Variants in SLC25A12 observed in about 807,000 individuals in gnomAD.
SLC25A12 encodes the protein solute carrier family 25 member 12.
In SLC25A12, 32 loss-of-function variants were observed where a neutral mutation model predicts 83.3. The observed-to-expected ratio is 0.38, with a 90% CI of 0.29 to 0.52. The LOEUF (loss-of-function observed/expected upper bound fraction) is 0.52, where lower values mean the gene tolerates loss of function less well. Among genes scored for constraint, SLC25A12 ranks in the 20% least tolerant of loss-of-function variants. The pLI is 0.84. For missense variants in SLC25A12, 611 were observed against 835.6 expected (o/e 0.73, Z 3.31); for synonymous variants, 267 against 291.1 (o/e 0.92, Z 0.84).
At position 171,844,382 on chromosome 2, in the gene SLC25A12, G is replaced by A. The variant is rs187566712; in HGVS notation, c.452C>T (p.Thr151Met). 1.2e-5 allele frequency: 20 copies of A among 1,613,802 alleles called. No individual in the cohort carries two copies. Among genetic ancestry groups the A allele is most frequent in the South Asian group, 4.4e-5 (4 of 91,076 alleles). The change falls in exon 5 of 18, where the codon ACG (threonine) becomes ATG (methionine). Residue 151 changes from threonine to methionine, a missense_variant. Physicochemically the swap from Thr to Met is moderately conservative, Grantham distance 81 (BLOSUM62 -1). This residue lies in a region of SLC25A12 where 540 missense variants were observed against 777.5 expected (regional missense o/e 0.69). Transcript: ENST00000422440. ...RKKHLNYTEFTQFLQELQLEH... is the reference protein window; with the variant it reads ...RKKHLNYTEFMQFLQELQLEH... Reference sequence around the variant, plus strand: ...AACTAAGCTCACCTGGAGAAACTGCGTGAATTCTGTGTAGTTAAGATGCTT... The same window carrying A: ...AACTAAGCTCACCTGGAGAAACTGCATGAATTCTGTGTAGTTAAGATGCTT...
intron 3 of SLC25A12, among the ~76,000 whole-genome samples, chr2:171,859,085 T>G (rs909825563): frequency 5.9e-5 from 9 of 152,178 alleles, no homozygotes; most frequent in Non-Finnish European, 1.2e-4. Context: ...CAATTTGGTG[T>G]TCTTCCATTA....
At chr2:171,893,011 C>T (rs1250854042) in intron 2 of SLC25A12, among the ~76,000 whole-genome samples, 194 bp downstream of exon 2, 1 of 151,302 alleles carries the variant, frequency 6.6e-6, no homozygotes, top group Admixed American at 6.6e-5. Context: ...TTGAGGAAAA[C>T]CTTTTATCGA....
intron 4 of SLC25A12, chr2:171,852,575 A>T: frequency 2.4e-6 from 1 of 416,192 alleles, no homozygotes; most frequent in Non-Finnish European, 4.8e-6. Context: ...CTCTATTTAG[A>T]ATGGATCTAA....
intron 2 of SLC25A12, among the ~76,000 whole-genome samples, chr2:171,872,766 G>A (rs991082997): frequency 5.9e-5 from 9 of 152,150 alleles, no homozygotes; most frequent in African/African-American, 2.2e-4. Flanking sequence ...TCAATTGCAA[G>A]TGGAGAGAAT....
At chr2:171,889,264 T>C (rs985039692) in intron 2 of SLC25A12, among the ~76,000 whole-genome samples, 1 of 152,086 alleles carries the variant, frequency 6.6e-6, no homozygotes, top group African/African-American at 2.4e-5. Context: ...CCCCAAAAAA[T>C]ATTATCTAAA....
intron 13 of SLC25A12, 135 bp from the exon 14 acceptor site, chr2:171,793,902 G>A (rs1683541953): frequency 1.9e-6 from 2 of 1,025,874 alleles, no homozygotes; most frequent in South Asian, 2.7e-5. Context: ...CCTCAGGGGG[G>A]AATGACAGTT....
chr2:171,872,305 A>G (rs1214147674), intron 2 of SLC25A12, among the ~76,000 whole-genome samples: 1 of 152,238 alleles, frequency 6.6e-6, no homozygotes, highest in East Asian at 1.9e-4. Flanking sequence ...ATATAAACAT[A>G]GGATAAAGAA....
chr2:171,850,343 T>G (rs1254320629), intron 4 of SLC25A12, among the ~76,000 whole-genome samples: 1 of 128,992 alleles, frequency 7.8e-6, no homozygotes, highest in East Asian at 2.3e-4. Flanking sequence ...CTTTGTTTTT[T>G]TTTTTTTTTT....
chr2:171,887,481 G>C (rs754337182), intron 2 of SLC25A12, among the ~76,000 whole-genome samples: 1 of 152,166 alleles, frequency 6.6e-6, no homozygotes, highest in Non-Finnish European at 1.5e-5. Context: ...AAAAGAGAGA[G>C]AGATTAAAAA....
intron 9 of SLC25A12, among the ~76,000 whole-genome samples, chr2:171,825,537 G>A (rs1455182081): frequency 6.6e-6 from 1 of 152,194 alleles, no homozygotes; most frequent in Non-Finnish European, 1.5e-5. Context: ...AGCAGACATA[G>A]CCTCTTTCTA....
intron 5 of SLC25A12, among the ~76,000 whole-genome samples, chr2:171,841,647 A>G (rs1025545131): frequency 6.6e-5 from 10 of 152,242 alleles, no homozygotes; most frequent in South Asian, 6.2e-4. Context: ...TGCTAGGATT[A>G]CAGGTGTGAG....
chr2:171,837,037 T>C, intron 6 of SLC25A12, 84 bp downstream of exon 6: 1 of 1,303,280 alleles, frequency 7.7e-7, no homozygotes, highest in South Asian at 1.2e-5. Flanking sequence ...TTGAGAGTCA[T>C]ATGAGTCCCT....
intron 5 of SLC25A12, among the ~76,000 whole-genome samples, chr2:171,838,971 C>A (rs1435827378): frequency 6.6e-6 from 1 of 152,038 alleles, no homozygotes; most frequent in Non-Finnish European, 1.5e-5. Context: ...AAATTAATGA[C>A]TTAAAAATGA....
rs541689372 is a variant in SLC25A12, at chr2:171,824,280, A to T, written c.930+2518T>A. On this transcript the variant is annotated intron_variant, in intron 9 of 17. Coordinates refer to ENST00000422440, the MANE Select transcript of SLC25A12 (RefSeq NM_003705.5). ...GAATTCACAGCAGTAGCAAAATTAC[A>T]TCACTTTCCTAAGGATGAAGAAATG... 5.3e-5 allele frequency among the ~76,000 whole-genome samples: 8 copies of T among 152,340 alleles called. No individual in the cohort carries two copies. In the South Asian group the frequency reaches 1.7e-3, roughly 32 times the overall value.
intron 4 of SLC25A12, among the ~76,000 whole-genome samples, chr2:171,854,383 A>G (rs556191247): frequency 1.3e-5 from 2 of 152,246 alleles, no homozygotes; most frequent in Admixed American, 6.5e-5. Flanking sequence ...CCTGGCCAAC[A>G]TGGTAAAACC....
At chr2:171,801,574 T>C (rs1024346363) in intron 13 of SLC25A12, among the ~76,000 whole-genome samples, 1 of 152,158 alleles carries the variant, frequency 6.6e-6, no homozygotes, top group Non-Finnish European at 1.5e-5. Flanking sequence ...TGATACAACT[T>C]ATGGTTTTTT....
chr2:171,863,842 G>GTGAA (rs1685222479), intron 3 of SLC25A12, among the ~76,000 whole-genome samples: 1 of 152,176 alleles, frequency 6.6e-6, no homozygotes, highest in Admixed American at 6.5e-5. Context: ...GATCCTATGA[G>GTGAA]TGAATGATCC....
chr2:171,837,357 C>T, intron 5 of SLC25A12, 90 bp from the exon 6 acceptor site: 8 of 1,307,716 alleles, frequency 6.1e-6, no homozygotes, highest in Non-Finnish European at 8.8e-6. Flanking sequence ...ATATCCTTCC[C>T]ACACATGTAC....
At chr2:171,821,798 C>A (rs1684199789) in intron 9 of SLC25A12, among the ~76,000 whole-genome samples, 1 of 152,110 alleles carries the variant, frequency 6.6e-6, no homozygotes, top group African/African-American at 2.4e-5. Flanking sequence ...TCTTTTCACA[C>A]TCTTAGTGGT....
Sources: gnomAD v4.1 joint callset for allele counts (sites outside exome capture counted in the v4.1 genomes callset) on GRCh38, gnomAD v4.1.1 for gene constraint, gnomAD v4.1.1 regional missense constraint, MANE v1.5 for transcripts, NCBI Gene and HGNC (gene_info 2026-07-23, HGNC 2026-07-21) for gene names.